YAE1: variants seen among roughly 807,000 people sequenced by gnomAD.
YAE1 encodes the protein protein YAE1 homolog.
Under a neutral mutation model 23.0 loss-of-function variants are expected in YAE1, and 22 were observed. The observed-to-expected ratio is 0.96, with a 90% CI of 0.68 to 1.37. The LOEUF is 1.37. YAE1 is among the 40% of genes most tolerant of loss of function. The pLI, the probability that YAE1 is intolerant of heterozygous loss-of-function variation, is 0.00. For synonymous variants in YAE1, 101 were observed against 97.0 expected (o/e 1.04, Z -0.24); for missense variants, 260 against 262.1 (o/e 0.99, Z 0.06).
chr7:39,586,242 T>C (rs1288492912), intron 2 of YAE1, among the ~76,000 whole-genome samples: 1 of 150,042 alleles, frequency 6.7e-6, no homozygotes, highest in Non-Finnish European at 1.5e-5. Flanking sequence ...GTGCGAACTC[T>C]GCTCACTGCA....
intron 2 of YAE1, among the ~76,000 whole-genome samples, chr7:39,588,282 C>T (rs113355356): frequency 0.05 from 7,614 of 152,154 alleles, 350 homozygotes; most frequent in African/African-American, 0.11. Flanking sequence ...GAGGCTGAGG[C>T]GGGTGGATCA....
chr7:39,574,098 C>G (rs954899217), downstream of YAE1, among the ~76,000 whole-genome samples: 8 of 151,628 alleles, frequency 5.3e-5, no homozygotes, highest in African/African-American at 1.9e-4. Context: ...CAAGGCCACC[C>G]TAAGTAAAAA....
intron 2 of YAE1, among the ~76,000 whole-genome samples, chr7:39,585,081 G>A (rs1790796547): frequency 6.6e-6 from 1 of 152,184 alleles, no homozygotes; most frequent in South Asian, 2.1e-4. Flanking sequence ...CTTATGTGGA[G>A]ATTCTGACCA....
chr7:39,598,146 G>GTCAC (rs1461115278), intron 2 of YAE1, among the ~76,000 whole-genome samples: 6 of 151,820 alleles, frequency 4.0e-5, no homozygotes, highest in African/African-American at 1.5e-4. Flanking sequence ...GCCTCACTCT[G>GTCAC]TCACCCAGGC....
intron 2 of YAE1, among the ~76,000 whole-genome samples, chr7:39,597,355 A>G (rs1180372248): frequency 6.6e-6 from 1 of 152,150 alleles, no homozygotes; most frequent in Non-Finnish European, 1.5e-5. Context: ...GGACTGCTTG[A>G]GCCCAAGAGT....
intron 1 of YAE1, 80 bp from the exon 2 acceptor site, chr7:39,570,425 TA>T: frequency 6.5e-7 from 1 of 1,541,528 alleles, no homozygotes; most frequent in Non-Finnish European, 8.8e-7. Context: ...ATCTGCTTTC[TA>T]AATTGGTTCT....
chr7:39,566,456 C>A lies in YAE1; in HGVS notation c.38C>A (p.Pro13His), dbSNP rs765483986. Residue 13 changes from proline (P) to histidine (H), a missense_variant, in exon 1 of 3, where the codon CCT (proline) becomes CAT (histidine). Physicochemically the swap from Pro to His is moderately conservative, Grantham distance 77. Transcript: ENST00000223273. ...CAAGCAGCCTCCTTGATCCAGGGCC[C>A]TGGAGACAAAGGGGACGTGTTTGAC... Reference protein sequence around the residue: ...WVQAASLIQGPGDKGDVFDEE... With the variant: ...WVQAASLIQGHGDKGDVFDEE... The A allele has an allele frequency of 2.5e-6, 4 of 1,614,208 alleles. No individual in the cohort carries two copies. The South Asian group carries it at 4.4e-5, about 18-fold the overall frequency.
intron 1 of YAE1, chr7:39,570,069 C>G (rs1790540664): frequency 8.1e-7 from 1 of 1,231,832 alleles, no homozygotes; most frequent in Admixed American, 1.7e-5. Flanking sequence ...CAGCCTCCTT[C>G]CAGCAGCTCT....
chr7:39,573,188 CTG>C (rs1252739533), downstream of YAE1, among the ~76,000 whole-genome samples: 2 of 152,074 alleles, frequency 1.3e-5, no homozygotes, highest in African/African-American at 4.8e-5. Context: ...CTGTGAGAAA[CTG>C]AAGCAGTGTT....
chr7:39,569,497 C>T, intron 1 of YAE1: 1 of 497,126 alleles, frequency 2.0e-6, no homozygotes, highest in Non-Finnish European at 4.0e-6. Flanking sequence ...GCCTCTTGTT[C>T]TTCCTCCAGT....
At chr7:39,570,287 C>A in intron 1 of YAE1, 1 of 664,254 alleles carries the variant, frequency 1.5e-6, no homozygotes, top group Non-Finnish European at 2.5e-6. Flanking sequence ...AAAAATTGCC[C>A]GGTAACTCTA....
chr7:39,597,963 TTTTTTTC>T (rs1357491592), intron 2 of YAE1, among the ~76,000 whole-genome samples: 3 of 152,152 alleles, frequency 2.0e-5, no homozygotes, highest in South Asian at 2.1e-4. Context: ...AAATTTTTCT[TTTTTTTC>T]TTTTTTCTTT....
chr7:39,610,170 G>A (rs1791189480), exon 3 of YAE1: 2 of 732,136 alleles, frequency 2.7e-6, no homozygotes, highest in African/African-American at 1.8e-5. Flanking sequence ...GGAGGAGTAT[G>A]AGAAAATCCT....
intron 2 of YAE1, among the ~76,000 whole-genome samples, chr7:39,585,572 G>A (rs993803290): frequency 1.3e-5 from 2 of 152,194 alleles, no homozygotes; most frequent in Admixed American, 1.3e-4. Context: ...CACCCGTTCT[G>A]TGGTACCTCG....
At position 39,566,544 on chromosome 7, in the gene YAE1, C is replaced by A. The variant is rs904593570; in HGVS notation, c.126C>A (p.Val42=). 5 of 1,613,668 alleles carry A rather than the reference C, an allele frequency of 3.1e-6. No homozygotes were observed. Among genetic ancestry groups the A allele is most frequent in the African/African-American group, 2.7e-5 (2 of 74,902 alleles). ...REWQSNMQRR[V]KEGYRDGIDA... ...GGCAGAGTAACATGCAAAGACGAGT[C>A]AAAGTAAACGTGGTGTGGACGGCGC... Residue 42 remains valine, a synonymous_variant, in exon 1 of 3, where the codon GTC becomes GTA. Coordinates refer to ENST00000223273, the MANE Select transcript of YAE1 (RefSeq NM_020192.5).
At chr7:39,579,134 C>A (rs1790704855) in intron 2 of YAE1, among the ~76,000 whole-genome samples, 1 of 152,186 alleles carries the variant, frequency 6.6e-6, no homozygotes, top group South Asian at 2.1e-4. Context: ...GCACTATATT[C>A]TAAAAGCTTT....
chr7:39,602,465 T>C (rs1338912125), intron 2 of YAE1, among the ~76,000 whole-genome samples: 2 of 152,266 alleles, frequency 1.3e-5, no homozygotes, highest in East Asian at 1.9e-4. Context: ...TGTAGAACTC[T>C]TTAGCATCAG....
chr7:39,605,404 C>T (rs377349497), intron 2 of YAE1, among the ~76,000 whole-genome samples: 44 of 152,326 alleles, frequency 2.9e-4, no homozygotes, highest in African/African-American at 1.1e-3. Flanking sequence ...GTTGTCCTAT[C>T]TACTATGGGT....
At chr7:39,593,511 G>A (rs1027749255) in intron 2 of YAE1, among the ~76,000 whole-genome samples, 2 of 152,098 alleles carry the variant, frequency 1.3e-5, no homozygotes, top group African/African-American at 4.8e-5. Flanking sequence ...GCCTCTCAAG[G>A]TGCTGGGTTT....
Sources: allele counts gnomAD v4.1 joint callset (sites outside exome capture counted in the v4.1 genomes callset), GRCh38; gene constraint gnomAD v4.1.1; transcripts MANE v1.5; gene names NCBI Gene and HGNC (gene_info 2026-07-23, HGNC 2026-07-21).